Variants in NLGN1 observed in about 807,000 individuals in gnomAD.
NLGN1 encodes neuroligin 1.
Under a neutral mutation model 65.5 loss-of-function variants are expected in NLGN1, and 12 were observed. The ratio of observed to expected loss-of-function variants is 0.18; its 90% CI spans 0.12 to 0.30. NLGN1 has a LOEUF of 0.30. Ranked by LOEUF, NLGN1 falls within the 10% of genes least tolerant of loss-of-function variation. NLGN1 has a pLI of 1.00. For missense variants in NLGN1, 750 were observed against 1,007.1 expected, an observed-to-expected ratio of 0.74 and a Z score of 3.46; for synonymous variants, 350 against 359.5, an observed-to-expected ratio of 0.97 and a Z score of 0.30.
intron 1 of NLGN1, among the ~76,000 whole-genome samples, chr3:173,420,786 A>T (rs539572886): frequency 6.6e-6 from 1 of 152,316 alleles, no homozygotes; most frequent in African/African-American, 2.4e-5. Flanking sequence ...GTACCCTAAA[A>T]ATGATAGTAT....
At chr3:174,259,533 C>G (rs1209977696) in intron 4 of NLGN1, among the ~76,000 whole-genome samples, 2 of 151,932 alleles carry the variant, frequency 1.3e-5, no homozygotes, top group African/African-American at 4.8e-5. Context: ...GAATTGCCAG[C>G]AAATCAAGAC....
chr3:173,459,791 C>T (rs964272770), intron 2 of NLGN1, among the ~76,000 whole-genome samples: 3 of 151,916 alleles, frequency 2.0e-5, no homozygotes, highest in African/African-American at 4.8e-5. Flanking sequence ...TAGGCAAGTC[C>T]TCAGTAATTT....
intron 4 of NLGN1, among the ~76,000 whole-genome samples, chr3:173,926,937 AAT>A (rs1386645979): frequency 6.6e-6 from 1 of 152,188 alleles, no homozygotes; most frequent in African/African-American, 2.4e-5. Flanking sequence ...CTGGAAAGCC[AAT>A]TGAGTCTTTC....
intron 4 of NLGN1, among the ~76,000 whole-genome samples, chr3:174,138,477 G>A (rs58072654): frequency 0.14 from 19,891 of 142,764 alleles, 1,594 homozygotes; most frequent in African/African-American, 0.22. Flanking sequence ...CTCCGTCGCC[G>A]AGGCTGGAGT....
intron 1 of NLGN1, among the ~76,000 whole-genome samples, chr3:173,408,299 G>A (rs1341198744): frequency 2.6e-5 from 4 of 152,174 alleles, no homozygotes; most frequent in African/African-American, 9.7e-5. Flanking sequence ...TTGCTTAAGG[G>A]AGAGAGAATC....
At chr3:174,032,535 A>G (rs996247277) in intron 4 of NLGN1, among the ~76,000 whole-genome samples, 3 of 152,322 alleles carry the variant, frequency 2.0e-5, no homozygotes, top group Admixed American at 6.5e-5. Context: ...CAGGAATGGC[A>G]GGGACATGGA....
chr3:173,595,577 A>G (rs1424795336), intron 2 of NLGN1, among the ~76,000 whole-genome samples: 1 of 152,156 alleles, frequency 6.6e-6, no homozygotes, highest in African/African-American at 2.4e-5. Context: ...CCTGTTACCC[A>G]GTTCCAAAGT....
chr3:174,169,390 A>G (rs1006558277), intron 4 of NLGN1, among the ~76,000 whole-genome samples: 2 of 151,882 alleles, frequency 1.3e-5, no homozygotes, highest in African/African-American at 4.8e-5. Context: ...GCTGCTCCTA[A>G]TGCTTGAAGA....
chr3:174,096,830 A>G (rs929002436), intron 4 of NLGN1, among the ~76,000 whole-genome samples: 2 of 152,290 alleles, frequency 1.3e-5, no homozygotes, highest in East Asian at 3.9e-4. Context: ...TTGAACGTGT[A>G]GAAACCATGA....
At chr3:173,886,086 T>C (rs1008914772) in intron 4 of NLGN1, among the ~76,000 whole-genome samples, 1 of 152,136 alleles carries the variant, frequency 6.6e-6, no homozygotes, top group Non-Finnish European at 1.5e-5. Flanking sequence ...AGGTAAATTA[T>C]GTGTGTACAC....
chr3:174,259,810 A>G (rs1435926867), intron 4 of NLGN1, among the ~76,000 whole-genome samples: 1 of 149,120 alleles, frequency 6.7e-6, no homozygotes, highest in African/African-American at 2.5e-5. Flanking sequence ...CATTAGGTAT[A>G]TCTCCCAATG....
intron 2 of NLGN1, among the ~76,000 whole-genome samples, chr3:173,511,953 A>C (rs139457583): frequency 5.9e-5 from 9 of 152,154 alleles, no homozygotes; most frequent in Non-Finnish European, 1.3e-4. Flanking sequence ...CCTAAGATTC[A>C]TGACAGGGGT....
At chr3:173,842,514 G>A (rs1311139338) in intron 4 of NLGN1, among the ~76,000 whole-genome samples, 1 of 152,102 alleles carries the variant, frequency 6.6e-6, no homozygotes, top group East Asian at 1.9e-4. Flanking sequence ...ATACAATGGG[G>A]GTACAGGCAT....
At chr3:173,431,711 A>G (rs929886201) in intron 1 of NLGN1, among the ~76,000 whole-genome samples, 1 of 152,220 alleles carries the variant, frequency 6.6e-6, no homozygotes, top group African/African-American at 2.4e-5. Context: ...GAGTGAATCC[A>G]CATTGACACA....
intron 4 of NLGN1, among the ~76,000 whole-genome samples, chr3:173,848,299 G>A (rs934038828): frequency 6.6e-6 from 1 of 152,130 alleles, no homozygotes; most frequent in African/African-American, 2.4e-5. Flanking sequence ...TTATGTGGTA[G>A]GTGTTATAAT....
At chr3:173,932,716 C>T (rs1744326619) in intron 4 of NLGN1, among the ~76,000 whole-genome samples, 1 of 152,102 alleles carries the variant, frequency 6.6e-6, no homozygotes, top group Non-Finnish European at 1.5e-5. Flanking sequence ...GTGATGGTTT[C>T]ATCAAATTTC....
intron 4 of NLGN1, among the ~76,000 whole-genome samples, chr3:174,076,049 C>A (rs973714402): frequency 2.0e-5 from 3 of 152,006 alleles, no homozygotes; most frequent in African/African-American, 7.2e-5. Context: ...AATTGTAAAA[C>A]CAATTAAATT....
At chr3:174,095,520 A>C (rs1328771919) in intron 4 of NLGN1, among the ~76,000 whole-genome samples, 1 of 144,198 alleles carries the variant, frequency 6.9e-6, no homozygotes, top group Non-Finnish European at 1.5e-5. Context: ...TGACACACAC[A>C]TCCATTATAT....
At chr3:174,198,459 A>G (rs1369411458) in intron 4 of NLGN1, among the ~76,000 whole-genome samples, 1 of 152,220 alleles carries the variant, frequency 6.6e-6, no homozygotes, top group African/African-American at 2.4e-5. Flanking sequence ...CTTTAGATAA[A>G]TTCCAAGATG....
Sources: gnomAD v4.1 joint callset for allele counts (sites outside exome capture counted in the v4.1 genomes callset) on GRCh38, gnomAD v4.1.1 for gene constraint, MANE v1.5 for transcripts, NCBI Gene and HGNC (gene_info 2026-07-23, HGNC 2026-07-21) for gene names.